The following PINX1 variants were observed in gnomAD, a reference collection of about 807,000 sequenced individuals.
The protein encoded by PINX1 is PIN2/TERF1-interacting telomerase inhibitor 1.
Under a neutral mutation model 25.4 loss-of-function variants are expected in PINX1, and 34 were observed. That is an observed-to-expected ratio of 1.34 (90% CI 1.02 to 1.78). PINX1 has a LOEUF of 1.78. PINX1 is among the 40% of genes most tolerant of loss of function. The pLI is 0.00. For synonymous variants in PINX1, 197 were observed against 147.7 expected (o/e 1.33, Z -2.42); for missense variants, 592 against 404.9 (o/e 1.46, Z -3.97).
chr8:10,828,791 A>G (rs1798133240), intron 4 of PINX1, among the ~76,000 whole-genome samples: 1 of 152,112 alleles, frequency 6.6e-6, no homozygotes, highest in Non-Finnish European at 1.5e-5. Context: ...CACTTTACAA[A>G]GGAAAGGCAC....
At chr8:10,791,732 G>C (rs1209319241) in intron 6 of PINX1, among the ~76,000 whole-genome samples, 2 of 152,184 alleles carry the variant, frequency 1.3e-5, no homozygotes, top group Non-Finnish European at 2.9e-5. Context: ...TTTCTAGAGA[G>C]AGTCTGACTA....
chr8:10,792,495 T>C (rs1801956066), intron 6 of PINX1, among the ~76,000 whole-genome samples: 2 of 152,060 alleles, frequency 1.3e-5, no homozygotes. Context: ...GGACAGACTG[T>C]GCCTCTTCTT....
chr8:10,781,150 G>A (rs1801573339), intron 6 of PINX1, among the ~76,000 whole-genome samples: 2 of 152,146 alleles, frequency 1.3e-5, no homozygotes, highest in South Asian at 4.1e-4. Context: ...GGTTTCTCAT[G>A]TAAAAAAATG....
At chr8:10,781,185 A>G (rs532851119) in intron 6 of PINX1, among the ~76,000 whole-genome samples, 3 of 152,328 alleles carry the variant, frequency 2.0e-5, no homozygotes, top group Admixed American at 1.3e-4. Context: ...CTTACAACAT[A>G]TACAAAAATC....
At chr8:10,831,249 T>C (rs971212074) in intron 4 of PINX1, among the ~76,000 whole-genome samples, 4 of 152,280 alleles carry the variant, frequency 2.6e-5, no homozygotes, top group Non-Finnish European at 2.9e-5. Flanking sequence ...CTCATAAAAG[T>C]AGACAGCAGA....
intron 6 of PINX1, among the ~76,000 whole-genome samples, chr8:10,780,142 A>G (rs1801538357): frequency 6.6e-6 from 1 of 152,196 alleles, no homozygotes; most frequent in Admixed American, 6.5e-5. Context: ...TTCTACATAT[A>G]GGATCAGGTC....
intron 6 of PINX1, among the ~76,000 whole-genome samples, chr8:10,781,096 TG>T (rs1801571317): frequency 6.6e-6 from 1 of 152,118 alleles, no homozygotes; most frequent in Admixed American, 6.6e-5. Context: ...GAAGACACAA[TG>T]GGGAAAGGAT....
At chr8:10,839,378 C>T (rs1474418630) in intron 1 of PINX1, among the ~76,000 whole-genome samples, 3 of 152,236 alleles carry the variant, frequency 2.0e-5, no homozygotes, top group Non-Finnish European at 2.9e-5. Flanking sequence ...CTCTTTTTAA[C>T]CTCAGGAAGC....
intron 6 of PINX1, among the ~76,000 whole-genome samples, chr8:10,776,450 CAA>C: frequency 1.0e-5 from 1 of 99,058 alleles, no homozygotes; most frequent in African/African-American, 3.9e-5. Context: ...AATAAATAAA[CAA>C]ACAAACAAAC....
At chr8:10,797,378 A>C (rs1333869307) in intron 6 of PINX1, among the ~76,000 whole-genome samples, 3 of 152,216 alleles carry the variant, frequency 2.0e-5, no homozygotes, top group Non-Finnish European at 4.4e-5. Flanking sequence ...GCTGGAAGAC[A>C]CTTCTACTGC....
At position 10,839,580 on chromosome 8, in the gene PINX1, G is replaced by A. The variant is rs906546888; in HGVS notation, c.19+158C>T. Reference sequence around the variant, plus strand: ...GCCAACTTTCGGGGAGCTCTGCGGCGAGCAGGACAATCAGAGCCGGGCTCG... The same window carrying A: ...GCCAACTTTCGGGGAGCTCTGCGGCAAGCAGGACAATCAGAGCCGGGCTCG... On this transcript the variant is annotated intron_variant, in intron 1 of 6. Coordinates refer to ENST00000314787, the MANE Select transcript of PINX1 (RefSeq NM_017884.6). 1.5e-4 allele frequency: 105 copies of A among 712,306 alleles called. No individual in the cohort carries two copies. The African/African-American group carries it at 1.6e-3, about 11-fold the overall frequency. The allele number at this position is 712,306 out of a possible 1,614,324, so 44.1% of individuals were successfully genotyped here. A position where few individuals can be genotyped will look rare whatever the true frequency, so the allele number is the denominator to read the frequency against.
chr8:10,771,390 G>A (rs116275614), intron 6 of PINX1: 2 of 152,358 alleles, frequency 1.3e-5, no homozygotes, highest in Admixed American at 6.5e-5. Context: ...GATCAAGTGT[G>A]TGACTGCTTC....
At chr8:10,810,615 C>T (rs539633968) in intron 6 of PINX1, among the ~76,000 whole-genome samples, 2 of 152,142 alleles carry the variant, frequency 1.3e-5, no homozygotes, top group African/African-American at 4.8e-5. Flanking sequence ...CCTGCCCTCA[C>T]GGGGATCCCA....
At chr8:10,820,066 T>C (rs938244913) in intron 6 of PINX1, 127 bp downstream of exon 6, 4 of 687,648 alleles carry the variant, frequency 5.8e-6, no homozygotes, top group Admixed American at 4.2e-5. Flanking sequence ...AGGCTGTGCA[T>C]GAAGCCTCCA....
chr8:10,822,182 A>G (rs1238519306), intron 5 of PINX1: 1 of 152,244 alleles, frequency 6.6e-6, no homozygotes, highest in African/African-American at 2.4e-5. Context: ...AAAGGAACAT[A>G]AAAGGTGGAC....
intron 4 of PINX1, among the ~76,000 whole-genome samples, chr8:10,831,333 G>T (rs183083947): frequency 1.1e-4 from 16 of 152,312 alleles, no homozygotes; most frequent in South Asian, 2.1e-4. Flanking sequence ...GGATATAAAA[G>T]TCCCACTACA....
intron 6 of PINX1, among the ~76,000 whole-genome samples, chr8:10,809,294 C>G (rs1254798371): frequency 6.6e-6 from 1 of 152,164 alleles, no homozygotes; most frequent in Non-Finnish European, 1.5e-5. Flanking sequence ...AGAGAAAGAA[C>G]AAATAAAAGA....
intron 6 of PINX1, among the ~76,000 whole-genome samples, chr8:10,791,056 G>C (rs991256150): frequency 1.3e-5 from 2 of 152,090 alleles, no homozygotes; most frequent in African/African-American, 4.8e-5. Flanking sequence ...GGGATTACAA[G>C]TGCGCACCAC....
At chr8:10,766,111 G>A (rs1285574956) in intron 6 of PINX1, among the ~76,000 whole-genome samples, 195 bp from the exon 7 acceptor site, 1 of 152,140 alleles carries the variant, frequency 6.6e-6, no homozygotes, top group Admixed American at 6.5e-5. Flanking sequence ...TGGTCGGCCT[G>A]AACTGCAGGC....
Sources: gnomAD v4.1 joint callset for allele counts (sites outside exome capture counted in the v4.1 genomes callset) on GRCh38, gnomAD v4.1.1 for gene constraint, MANE v1.5 for transcripts, NCBI Gene and HGNC (gene_info 2026-07-23, HGNC 2026-07-21) for gene names.